Variants in MAB21L1 observed in about 807,000 individuals in gnomAD.
MAB21L1 encodes mab-21 like 1, also known as putative nucleotidyltransferase MAB21L1.
Under a neutral mutation model 28.9 loss-of-function variants are expected in MAB21L1, and 8 were observed. That is an observed-to-expected ratio of 0.28 (90% CI 0.16 to 0.50). The LOEUF is 0.50. Ranked by LOEUF, MAB21L1 falls within the 20% of genes least tolerant of loss-of-function variation. MAB21L1 has a pLI of 0.98. For missense variants in MAB21L1, 388 were observed against 466.5 expected (o/e 0.83, Z 1.55); for synonymous variants, 219 against 198.2 (o/e 1.10, Z -0.88).
At position 35,475,382 on chromosome 13, in the gene MAB21L1, T is replaced by C. The variant is rs757982341; in HGVS notation, c.757A>G (p.Ile253Val). Reference sequence around the variant, plus strand: ...TGACGATCCCTTAAGGTTTTGAGGATGGAGAGGCACTTCTTTCTGCAGCCC... The same window carrying C: ...TGACGATCCCTTAAGGTTTTGAGGACGGAGAGGCACTTCTTTCTGCAGCCC... ...MGGCRKKCLS[I>V]LKTLRDRHLE... Residue 253 changes from isoleucine (I) to valine (V), a missense_variant, in exon 1 of 1, where the codon ATC (isoleucine) becomes GTC (valine). Around this residue, in one of 3 missense-constraint regions of MAB21L1, gnomAD observed 218 missense variants for 220.6 expected, o/e 0.99. Coordinates refer to ENST00000379919, the MANE Select transcript of MAB21L1 (RefSeq NM_005584.5). 6.2e-7 allele frequency: 1 copy of C among 1,613,848 alleles called. No individual in the cohort carries two copies. Among genetic ancestry groups the C allele is most frequent in the Non-Finnish European group, 8.5e-7 (1 of 1,179,974 alleles).
In MAB21L1 at chr13:35,474,216, CATTT is replaced by C. The variant is rs2075768821; in HGVS notation, c.*839_*842del. On this transcript the variant is annotated 3_prime_UTR_variant, in exon 1 of 1. Coordinates refer to ENST00000379919, the MANE Select transcript of MAB21L1 (RefSeq NM_005584.5). ...AGACACAACAACTTTTATTTTACTT[CATTT>C]ATTACCATCTAATTAAATAAAAACC... is the stretch of plus-strand genomic sequence containing the variant. 1 of 152,520 alleles carries C rather than the reference CATTT, an allele frequency of 6.6e-6. No homozygotes were observed. Among genetic ancestry groups the C allele is most frequent in the African/African-American group, 2.4e-5 (1 of 41,430 alleles). The allele number at this position is 152,520 out of a possible 1,614,324, so 9.4% of individuals were successfully genotyped here.
Position 35,476,586 on chromosome 13 carries a change from G to T in MAB21L1, c.-448C>A. 1.8e-6 allele frequency: 1 copy of T among 551,716 alleles called. No homozygotes were observed. The highest frequency in any genetic ancestry group is 2.1e-5 in the South Asian group (1 of 48,602). The allele number at this position is 551,716 out of a possible 1,614,324, so 34.2% of individuals were successfully genotyped here. On this transcript the variant is annotated 5_prime_UTR_variant, in exon 1 of 1. Coordinates refer to ENST00000379919, the MANE Select transcript of MAB21L1 (RefSeq NM_005584.5). ...TTATTTGCGCTTTCCCGTAATCATTGTGTGTGCAGCACTGTTAATCAAATG... is the reference window on the plus strand; with the variant it reads ...TTATTTGCGCTTTCCCGTAATCATTTTGTGTGCAGCACTGTTAATCAAATG...
chr13:35,474,673 A>G lies in MAB21L1; in HGVS notation c.*386T>C, dbSNP rs534620955. The G allele has an allele frequency of 2.9e-5, 5 of 173,888 alleles. No individual in the cohort carries two copies. Among genetic ancestry groups the G allele is most frequent in the South Asian group, 3.3e-4 (2 of 5,996 alleles). The allele number at this position is 173,888 out of a possible 1,614,324, so 10.8% of individuals were successfully genotyped here. On this transcript the variant is annotated 3_prime_UTR_variant, in exon 1 of 1. Coordinates refer to ENST00000379919, the MANE Select transcript of MAB21L1 (RefSeq NM_005584.5). ...ACAGTTTCTTTCAGATGGCATATCC[A>G]AATCGTGTTTACTCACAGACAGATG... is the stretch of plus-strand genomic sequence containing the variant.
In MAB21L1 at chr13:35,476,302, GCTGCTGCTGC is replaced by G; in HGVS notation, c.-174_-165del. ...GTGCTGCAGCGTTGGTTTCCCTGCT[GCTGCTGCTGC>G]TGCTGCTGCTGCTGCTGCTGCTGCT... On this transcript the variant is annotated 5_prime_UTR_variant, in exon 1 of 1. Transcript: ENST00000379919. 2.3e-6 allele frequency: 1 copy of G among 429,424 alleles called. No individual in the cohort carries two copies. Among genetic ancestry groups the G allele is most frequent in the African/African-American group, 4.6e-5 (1 of 21,956 alleles). 26.6% of individuals were successfully genotyped at this position (429,424 alleles called of 1,614,324 possible).
In MAB21L1 at chr13:35,475,563, G is replaced by A. The variant is rs754872961; in HGVS notation, c.576C>T (p.Ile192=). The change falls in exon 1 of 1, where the codon ATC becomes ATT. Residue 192 remains isoleucine (I), a synonymous_variant. Coordinates refer to ENST00000379919, the MANE Select transcript of MAB21L1 (RefSeq NM_005584.5). ...CCACCCGGTTGGGTCCCGGCCAGGG[G>A]ATGTGGGGAAGTGGCCAGTGGGCAG... ...RSAAHWPLPH[I]PWPGPNRVAE... 11 of 1,613,468 alleles carry A rather than the reference G, an allele frequency of 6.8e-6. No individual in the cohort carries two copies. Among genetic ancestry groups the A allele is most frequent in the East Asian group, 6.7e-5 (3 of 44,804 alleles).
Position 35,474,422 on chromosome 13 carries a change from A to G in MAB21L1, c.*637T>C, listed in dbSNP as rs112354142. 1 of 152,808 alleles carries G rather than the reference A, an allele frequency of 6.5e-6. No individual in the cohort carries two copies. Among genetic ancestry groups the G allele is most frequent in the African/African-American group, 2.4e-5 (1 of 41,590 alleles). The allele number at this position is 152,808 out of a possible 1,614,324, so 9.5% of individuals were successfully genotyped here. On this transcript the variant is annotated 3_prime_UTR_variant, in exon 1 of 1. Transcript: ENST00000379919. ...TGGAATGTTAGAAATAGAACAAGCAATATTTGAAACAAAATGTAAACTTTT... is the reference window on the plus strand; with the variant it reads ...TGGAATGTTAGAAATAGAACAAGCAGTATTTGAAACAAAATGTAAACTTTT...
rs1435954821 is a variant in MAB21L1 at position 35,475,845 on chromosome 13, C to T, written c.294G>A (p.Ala98=). 11 of 1,614,048 alleles carry T rather than the reference C, an allele frequency of 6.8e-6. No homozygotes were observed. The highest frequency in any genetic ancestry group is 8.5e-6 in the Non-Finnish European group (10 of 1,180,028). ...TGCGCCCGTCGCTCAACTTCAGCACCGCGCAGCCGGGCAGTGAGCCATCGT... is the reference window on the plus strand; with the variant it reads ...TGCGCCCGTCGCTCAACTTCAGCACTGCGCAGCCGGGCAGTGAGCCATCGT... ...FVDDGSLPGC[A]VLKLSDGRKR... Residue 98 remains alanine (A), a synonymous_variant, in exon 1 of 1, where the codon GCG becomes GCA. Coordinates refer to ENST00000379919, the MANE Select transcript of MAB21L1 (RefSeq NM_005584.5).
In MAB21L1 at chr13:35,475,778, C is replaced by T. The variant is rs2075836442; in HGVS notation, c.361G>A (p.Gly121Ser). 6.2e-7 allele frequency: 1 copy of T among 1,613,884 alleles called. No individual in the cohort carries two copies. The highest frequency in any genetic ancestry group is 8.5e-7 in the Non-Finnish European group (1 of 1,179,962). The change falls in exon 1 of 1, where the codon GGC (glycine) becomes AGC (serine). Residue 121 changes from glycine (G) to serine (S), a missense_variant. Physicochemically the swap from Gly to Ser is moderately conservative, Grantham distance 56. Transcript: ENST00000379919. ...CGGATTTTGCGCGCCGAGAGGTAGC[C>T]GGAGGCGGTAATGAATTCCACCCAG... ...SLWVEFITAS[G>S]YLSARKIRSR...
rs1412280293 is a variant in MAB21L1, at chr13:35,475,754, G to A, written c.385C>T (p.Arg129Trp). 1 of 1,613,894 alleles carries A rather than the reference G, an allele frequency of 6.2e-7. No homozygotes were observed. The highest frequency in any genetic ancestry group is 2.2e-5 in the East Asian group (1 of 44,804). Residue 129 changes from arginine to tryptophan, a missense_variant, in exon 1 of 1, where the codon CGG (arginine) becomes TGG (tryptophan). Transcript: ENST00000379919. ...ASGYLSARKI[R>W]SRFQTLVAQA... ...GCCACCAGCGTCTGAAACCTGGACC[G>A]GATTTTGCGCGCCGAGAGGTAGCCG...
At position 35,474,976 on chromosome 13, in the gene MAB21L1, G is replaced by T; in HGVS notation, c.*83C>A. 7.1e-7 allele frequency: 1 copy of T among 1,401,722 alleles called. No homozygotes were observed. 86.8% of individuals were successfully genotyped at this position (1,401,722 alleles called of 1,614,324 possible). On this transcript the variant is annotated 3_prime_UTR_variant, in exon 1 of 1. Transcript: ENST00000379919. ...AAGAGATTGTTTGCACTGCGGAGTG[G>T]AATATTAGGAATTGAACAGAAGTTT...
Position 35,474,920 on chromosome 13 carries a change from T to C in MAB21L1, c.*139A>G. ...TTGTGGGGGTGGGTGAGATGATGTT[T>C]AAATATTGTATTATTATTCCTTTTT... On this transcript the variant is annotated 3_prime_UTR_variant, in exon 1 of 1. Coordinates refer to ENST00000379919, the MANE Select transcript of MAB21L1 (RefSeq NM_005584.5). 1.8e-6 allele frequency: 2 copies of C among 1,109,910 alleles called. No homozygotes were observed. Among genetic ancestry groups the C allele is most frequent in the Non-Finnish European group, 1.3e-6 (1 of 776,882 alleles). The allele number at this position is 1,109,910 out of a possible 1,614,324, so 68.8% of individuals were successfully genotyped here.
At position 35,476,053 on chromosome 13, in the gene MAB21L1, T is replaced by G; in HGVS notation, c.86A>C (p.Lys29Thr). The G allele has an allele frequency of 6.2e-7, 1 of 1,614,232 alleles. No homozygotes were observed. Among genetic ancestry groups the G allele is most frequent in the South Asian group, 1.1e-5 (1 of 91,086 alleles). ...KCQARKAAIAKTIREVCKVVS... is the reference protein window; with the variant it reads ...KCQARKAAIATTIREVCKVVS... ...TACTTTGCAGACTTCCCGGATAGTT[T>G]TGGCAATGGCAGCTTTCCTGGCTTG... The change falls in exon 1 of 1, where the codon AAA becomes ACA. Residue 29 changes from lysine (K) to threonine (T), a missense_variant. Physicochemically the swap from Lys to Thr is moderately conservative, Grantham distance 78. Coordinates refer to ENST00000379919, the MANE Select transcript of MAB21L1 (RefSeq NM_005584.5).
chr13:35,475,441 T>A lies in MAB21L1; in HGVS notation c.698A>T (p.Gln233Leu). ...CAGTCTGTTCTCTGCCTCCGCGAAC[T>A]GCAGCACCCAGGCGTCGCTCTCCGC... Reference protein sequence around the residue: ...SSAESDAWVLQFAEAENRLQM... With the variant: ...SSAESDAWVLLFAEAENRLQM... The change falls in exon 1 of 1, where the codon CAG becomes CTG. Residue 233 changes from glutamine to leucine, a missense_variant. Physicochemically the swap from Gln to Leu is moderately radical, Grantham distance 113 (BLOSUM62 -2). This residue lies in a region of MAB21L1 where 218 missense variants were observed against 220.6 expected (regional missense o/e 0.99). Coordinates refer to ENST00000379919, the MANE Select transcript of MAB21L1 (RefSeq NM_005584.5). 6.2e-7 allele frequency: 1 copy of A among 1,613,272 alleles called. No homozygotes were observed. The highest frequency in any genetic ancestry group is 8.5e-7 in the Non-Finnish European group (1 of 1,179,894).
rs199505485 is a variant in MAB21L1, at chr13:35,475,788, A to T, written c.351T>A (p.Ile117=). ...KRSMSLWVEF[I]TASGYLSARK... is the part of the protein sequence containing the mutation. ...GCGCCGAGAGGTAGCCGGAGGCGGT[A>T]ATGAATTCCACCCAGAGGGACATGC... is the stretch of plus-strand genomic sequence containing the variant. The change falls in exon 1 of 1, where the codon ATT becomes ATA. Residue 117 remains isoleucine, a synonymous_variant. Transcript: ENST00000379919. The T allele has an allele frequency of 6.8e-6, 11 of 1,613,810 alleles. No homozygotes were observed. In the East Asian group the frequency reaches 1.6e-4, roughly 23 times the overall value.
At position 35,476,302 on chromosome 13, in the gene MAB21L1, GCTGC is replaced by G; in HGVS notation, c.-168_-165del. 4.7e-6 allele frequency: 2 copies of G among 429,424 alleles called. No homozygotes were observed. Among genetic ancestry groups the G allele is most frequent in the African/African-American group, 4.6e-5 (1 of 21,956 alleles). 26.6% of individuals were successfully genotyped at this position (429,424 alleles called of 1,614,324 possible). A position where few individuals can be genotyped will look rare whatever the true frequency, so the allele number is the denominator to read the frequency against. On this transcript the variant is annotated 5_prime_UTR_variant, in exon 1 of 1. Transcript: ENST00000379919. ...GTGCTGCAGCGTTGGTTTCCCTGCT[GCTGC>G]TGCTGCTGCTGCTGCTGCTGCTGCT... is the stretch of plus-strand genomic sequence containing the variant.
At position 35,475,923 on chromosome 13, in the gene MAB21L1, G is replaced by A. The variant is rs750513281; in HGVS notation, c.216C>T (p.Thr72=). Residue 72 remains threonine, a synonymous_variant, in exon 1 of 1, where the codon ACC becomes ACT. Transcript: ENST00000379919. ...RYEGLEVISP[T]EFEVVLYLNQ... The stretch of plus-strand genomic sequence containing the variant: ...TGAGATAAAGCACCACTTCAAATTC[G>A]GTGGGGGAGATGACCTCGAGGCCCT... The A allele has an allele frequency of 3.1e-6, 5 of 1,614,052 alleles. No homozygotes were observed. The African/African-American group carries it at 5.3e-5, about 17-fold the overall frequency.
In MAB21L1 at chr13:35,476,178, G is replaced by C; in HGVS notation, c.-40C>G. On this transcript the variant is annotated 5_prime_UTR_variant, in exon 1 of 1. Transcript: ENST00000379919. The stretch of plus-strand genomic sequence containing the variant: ...CCGGATTGTACACCGGAGTCTCGCA[G>C]TAAGCTGTGGGATCCAATGCGGCTG... 1 of 1,611,598 alleles carries C rather than the reference G, an allele frequency of 6.2e-7. No individual in the cohort carries two copies. The highest frequency in any genetic ancestry group is 8.5e-7 in the Non-Finnish European group (1 of 1,178,096).
At position 35,474,990 on chromosome 13, in the gene MAB21L1, G is replaced by T; in HGVS notation, c.*69C>A. On this transcript the variant is annotated 3_prime_UTR_variant, in exon 1 of 1. Coordinates refer to ENST00000379919, the MANE Select transcript of MAB21L1 (RefSeq NM_005584.5). ...ACTGCGGAGTGGAATATTAGGAATT[G>T]AACAGAAGTTTACACTTAATAAGGA... is the stretch of plus-strand genomic sequence containing the variant. The T allele has an allele frequency of 6.7e-7, 1 of 1,496,454 alleles. No homozygotes were observed. Among genetic ancestry groups the T allele is most frequent in the South Asian group, 1.3e-5 (1 of 76,606 alleles). 92.7% of individuals were successfully genotyped at this position (1,496,454 alleles called of 1,614,324 possible).
chr13:35,476,115 C>T lies in MAB21L1; in HGVS notation c.24G>A (p.Leu8=), dbSNP rs2075851576. 7 of 1,614,024 alleles carry T rather than the reference C, an allele frequency of 4.3e-6. No individual in the cohort carries two copies. The highest frequency in any genetic ancestry group is 5.9e-6 in the Non-Finnish European group (7 of 1,180,014). ...TGTAGTATTTATTCAGATGGTAGAC[C>T]AGCTTGGCCTGGGCCGCAATCATGT... MIAAQAK[L]VYHLNKYYNE... Residue 8 remains leucine (L), a synonymous_variant, in exon 1 of 1, where the codon CTG becomes CTA. Transcript: ENST00000379919.
Sources: gnomAD v4.1 joint callset for allele counts on GRCh38, gnomAD v4.1.1 for gene constraint, gnomAD v4.1.1 regional missense constraint, MANE v1.5 for transcripts, NCBI Gene and HGNC (gene_info 2026-07-23, HGNC 2026-07-21) for gene names.